The following PITPNM3 variants were observed in gnomAD, a reference collection of about 807,000 sequenced individuals.
The protein encoded by PITPNM3 is membrane-associated phosphatidylinositol transfer protein 3.
A neutral mutation model predicts 102.0 loss-of-function variants in PITPNM3; 26 were observed. That is an observed-to-expected ratio of 0.25 (90% CI 0.19 to 0.35). PITPNM3 has a LOEUF of 0.35. Among genes scored for constraint, PITPNM3 ranks in the 10% least tolerant of loss-of-function variants. PITPNM3 has a pLI of 1.00. For synonymous variants in PITPNM3, 578 were observed against 558.6 expected (o/e 1.03, Z -0.49); for missense variants, 1,083 against 1,346.1 (o/e 0.80, Z 3.06).
intron 4 of PITPNM3, among the ~76,000 whole-genome samples, chr17:6,484,763 G>T (rs1212749271): frequency 6.6e-6 from 1 of 152,206 alleles, no homozygotes; most frequent in Non-Finnish European, 1.5e-5. Flanking sequence ...TGTTCTCTGG[G>T]TCTACCTGTG....
chr17:6,514,614 C>T (rs1908050111), intron 3 of PITPNM3, among the ~76,000 whole-genome samples: 1 of 152,120 alleles, frequency 6.6e-6, no homozygotes, highest in Non-Finnish European at 1.5e-5. Flanking sequence ...CAAGTGTTGG[C>T]AAGGATGCAG....
Position 6,464,225 on chromosome 17 carries a change from C to T in PITPNM3, c.2101G>A (p.Val701Met), listed in dbSNP as rs775659342. The change falls in exon 16 of 20, where the codon GTG (valine) becomes ATG (methionine). Residue 701 changes from valine to methionine, a missense_variant. By Grantham distance (21) the Val-to-Met change is conservative. Around this residue, in one of 5 missense-constraint regions of PITPNM3, gnomAD observed 410 missense variants for 638.4 expected, o/e 0.64. Transcript: ENST00000262483. ...ACCCCCAGGCGCCGGGGCCGCGGCA[C>T]ATTGTATGTGATGCGACCACTGCTG... is the stretch of plus-strand genomic sequence containing the variant. ...TNSSGRITYN[V>M]PRPRRLGVGV... 26 of 1,614,082 alleles carry T rather than the reference C, an allele frequency of 1.6e-5. No individual in the cohort carries two copies. Among genetic ancestry groups the T allele is most frequent in the South Asian group, 9.9e-5 (9 of 91,082 alleles).
At chr17:6,503,613 A>C in intron 3 of PITPNM3, 39 bp from the exon 4 acceptor site, 1 of 1,597,728 alleles carries the variant, frequency 6.3e-7, no homozygotes, top group Non-Finnish European at 8.5e-7. Flanking sequence ...GATCCTTGAC[A>C]CTGTTGCCAG....
intron 1 of PITPNM3, among the ~76,000 whole-genome samples, chr17:6,545,411 C>CAAGCAA (rs1909970103): frequency 6.6e-6 from 1 of 152,170 alleles, no homozygotes; most frequent in Admixed American, 6.5e-5. Flanking sequence ...TCCCCAAAGG[C>CAAGCAA]TGGAAATGCT....
At chr17:6,555,792 G>A (rs1910570554) in intron 1 of PITPNM3, among the ~76,000 whole-genome samples, 1 of 152,334 alleles carries the variant, frequency 6.6e-6, no homozygotes, top group Admixed American at 6.5e-5. Flanking sequence ...GAGCCCACGG[G>A]ACCCCAGAAG....
rs199988049 is a variant in PITPNM3 at position 6,464,220 on chromosome 17, C to A, written c.2106G>T (p.Pro702=). ...CACCAACCCCCAGGCGCCGGGGCCG[C>A]GGCACATTGTATGTGATGCGACCAC... ...NSSGRITYNV[P]RPRRLGVGVY... is the part of the protein sequence containing the mutation. Residue 702 remains proline (P), a synonymous_variant, in exon 16 of 20, where the codon CCG becomes CCT. Coordinates refer to ENST00000262483, the MANE Select transcript of PITPNM3 (RefSeq NM_031220.4). 1 of 1,614,152 alleles carries A rather than the reference C, an allele frequency of 6.2e-7. No individual in the cohort carries two copies. Among genetic ancestry groups the A allele is most frequent in the Non-Finnish European group, 8.5e-7 (1 of 1,180,016 alleles).
At chr17:6,515,510 T>G (rs941249990) in intron 3 of PITPNM3, among the ~76,000 whole-genome samples, 1 of 152,128 alleles carries the variant, frequency 6.6e-6, no homozygotes, top group Non-Finnish European at 1.5e-5. Flanking sequence ...ATTGTACATT[T>G]TACAAAAAGG....
chr17:6,549,412 C>T (rs1047193855), intron 1 of PITPNM3, among the ~76,000 whole-genome samples: 1 of 152,246 alleles, frequency 6.6e-6, no homozygotes, highest in Admixed American at 6.5e-5. Context: ...CTCACAAATC[C>T]AGCCCTAGGA....
At chr17:6,502,483 G>C (rs1225234934) in intron 4 of PITPNM3, among the ~76,000 whole-genome samples, 1 of 152,108 alleles carries the variant, frequency 6.6e-6, no homozygotes, top group Non-Finnish European at 1.5e-5. Context: ...AAGATTCTCT[G>C]GCAGGGGATG....
chr17:6,544,791 G>A (rs753351947), intron 1 of PITPNM3, among the ~76,000 whole-genome samples: 2 of 151,950 alleles, frequency 1.3e-5, no homozygotes, highest in Non-Finnish European at 2.9e-5. Context: ...ATGTCCCATG[G>A]GCAGTGGGAG....
rs993544536 is a variant in PITPNM3, at chr17:6,468,574, C to T, written c.1774-233G>A. Among the ~76,000 whole-genome samples the T allele has an allele frequency of 1.3e-5, 2 of 152,144 alleles. No homozygotes were observed. Among genetic ancestry groups the T allele is most frequent in the Non-Finnish European group, 2.9e-5 (2 of 68,016 alleles). On this transcript the variant is annotated intron_variant, in intron 13 of 19. Transcript: ENST00000262483. This position sits in a 1 kb window ranked among gnomAD's most constrained non-coding sequence, Gnocchi z 5.2. Reference sequence around the variant, plus strand: ...CCCTTCCTGAGAGAAGTCTCTGCCCCGCTGTGCCCAAACCTGGCAGCCACC... The same window carrying T: ...CCCTTCCTGAGAGAAGTCTCTGCCCTGCTGTGCCCAAACCTGGCAGCCACC...
At position 6,472,888 on chromosome 17, in the gene PITPNM3, G is replaced by A; in HGVS notation, c.1259-61C>T. 1 of 1,587,502 alleles carries A rather than the reference G, an allele frequency of 6.3e-7. No homozygotes were observed. Among genetic ancestry groups the A allele is most frequent in the Non-Finnish European group, 8.6e-7 (1 of 1,162,920 alleles). ...CTAGTACCTGCTCCCTGGGCCCTAGGAGGCTCCCTGGAATGCAGCCTGGAG... is the reference window on the plus strand; with the variant it reads ...CTAGTACCTGCTCCCTGGGCCCTAGAAGGCTCCCTGGAATGCAGCCTGGAG... On this transcript the variant is annotated intron_variant, in intron 10 of 19. Coordinates refer to ENST00000262483, the MANE Select transcript of PITPNM3 (RefSeq NM_031220.4). This position sits in a 1 kb window ranked among gnomAD's most constrained non-coding sequence, Gnocchi z 4.1.
Position 6,457,612 on chromosome 17 carries a change from C to T in PITPNM3, c.2601G>A (p.Lys867=), listed in dbSNP as rs1463048689. 1.9e-6 allele frequency: 3 copies of T among 1,605,338 alleles called. No individual in the cohort carries two copies. The highest frequency in any genetic ancestry group is 1.3e-5 in the African/African-American group (1 of 74,210). Residue 867 remains lysine, a synonymous_variant, in exon 19 of 20, where the codon AAG becomes AAA. Transcript: ENST00000262483. This position sits in a 1 kb window ranked among gnomAD's most constrained non-coding sequence, Gnocchi z 4.7. The part of the protein sequence containing the change: ...QIFIVGRPTK[K]YQTQCQFLSE... ...CACCCACCTGGCACTGGGTTTGGTA[C>T]TTCTTGGTGGGCCGGCCCACAATGA...
intron 3 of PITPNM3, among the ~76,000 whole-genome samples, chr17:6,523,765 G>A (rs539530991): frequency 6.6e-6 from 1 of 152,336 alleles, no homozygotes; most frequent in African/African-American, 2.4e-5. Flanking sequence ...ATGACGACTG[G>A]TAAGTTGTCT....
At chr17:6,532,806 C>G (rs1909212991) in intron 2 of PITPNM3, among the ~76,000 whole-genome samples, 1 of 151,972 alleles carries the variant, frequency 6.6e-6, no homozygotes, top group African/African-American at 2.4e-5. Flanking sequence ...CTTTCTTTTT[C>G]TTGGGGAAAT....
At chr17:6,463,593 T>G (rs1904604719) in intron 17 of PITPNM3, 139 bp downstream of exon 17, 5 of 1,259,474 alleles carry the variant, frequency 4.0e-6, no homozygotes, top group Non-Finnish European at 5.5e-6. Flanking sequence ...CTGTTGGAGG[T>G]AAAGCCAGGG....
rs1262820076 is a variant in PITPNM3, at chr17:6,463,742, C to A, written c.2296G>T (p.Asp766Tyr). The change falls in exon 17 of 20, where the codon GAT (aspartate) becomes TAT (tyrosine). Residue 766 changes from aspartate to tyrosine, a missense_variant. By Grantham distance (160) the Asp-to-Tyr change is radical (BLOSUM62 -3). Transcript: ENST00000262483. ...SDPKVRPGAVDVVRHWQDLGY... is the reference protein window; with the variant it reads ...SDPKVRPGAVYVVRHWQDLGY... ...GAAGGTGGCACTCACCGGACAACAT[C>A]CACTGCACCCGGCCGGACCTTGGGG... 6.2e-7 allele frequency: 1 copy of A among 1,611,458 alleles called. No individual in the cohort carries two copies. The highest frequency in any genetic ancestry group is 8.5e-7 in the Non-Finnish European group (1 of 1,179,760).
Position 6,556,531 on chromosome 17 carries a change from G to C in PITPNM3, c.-125C>G. ...CCCGCGCCCCCGCCCCGCTCGCCTC[G>C]GCTGCCGCCACCGCAGCCGCCGCCG... On this transcript the variant is annotated 5_prime_UTR_variant, in exon 1 of 20. Transcript: ENST00000262483. The surrounding 1 kb of genome is among the most constrained non-coding windows in gnomAD (Gnocchi z 5.2). The C allele has an allele frequency of 3.2e-6, 2 of 617,156 alleles. No individual in the cohort carries two copies. Among genetic ancestry groups the C allele is most frequent in the South Asian group, 6.9e-5 (1 of 14,458 alleles). 38.2% of individuals were successfully genotyped at this position (617,156 alleles called of 1,614,324 possible).
chr17:6,466,889 A>G (rs1274340116), intron 14 of PITPNM3, among the ~76,000 whole-genome samples: 1 of 152,076 alleles, frequency 6.6e-6, no homozygotes. Flanking sequence ...TACTAAAAAT[A>G]CAAAAAATAA....
Sources: allele counts gnomAD v4.1 joint callset (sites outside exome capture counted in the v4.1 genomes callset), GRCh38; gene constraint gnomAD v4.1.1; regional missense constraint gnomAD v4.1.1; non-coding constraint Gnocchi (gnomAD v3.1); transcripts MANE v1.5; gene names NCBI Gene and HGNC (gene_info 2026-07-23, HGNC 2026-07-21).